Variants in IQCM observed in about 807,000 individuals in gnomAD.
IQCM encodes IQ motif containing M.
In IQCM, 45 loss-of-function variants were observed where a neutral mutation model predicts 57.6. The observed-to-expected ratio is 0.78, with a 90% CI of 0.62 to 1.00. IQCM has a LOEUF of 1.00. Among genes scored for constraint, IQCM ranks in the 50% least tolerant of loss-of-function variants. The probability of loss-of-function intolerance (pLI) is 0.00; values close to 1 mark genes in which losing one functional copy is unlikely to be tolerated. For missense variants in IQCM, 468 were observed against 511.6 expected, an observed-to-expected ratio of 0.91 and a Z score of 0.82; for synonymous variants, 148 against 158.9, an observed-to-expected ratio of 0.93 and a Z score of 0.51.
At chr4:149,486,017 GTC>G (rs71596213) in intron 12 of IQCM, among the ~76,000 whole-genome samples, 18,224 of 121,196 alleles carry the variant, frequency 0.15, 1,247 homozygotes, top group Non-Finnish European at 0.17. Flanking sequence ...AGCAAACAGA[GTC>G]TCTCTCTCTC....
chr4:149,453,108 C>T (rs908820109), intron 12 of IQCM, among the ~76,000 whole-genome samples: 1 of 150,866 alleles, frequency 6.6e-6, no homozygotes, highest in Non-Finnish European at 1.5e-5. Context: ...TAGAAATAAT[C>T]TTAAGAAACA....
At chr4:149,527,066 T>C (rs948171315) in intron 12 of IQCM, among the ~76,000 whole-genome samples, 36 of 152,134 alleles carry the variant, frequency 2.4e-4, no homozygotes, top group African/African-American at 7.0e-4. Flanking sequence ...AATTATTATC[T>C]CAGCGAGAAC....
chr4:149,596,721 A>C (rs1284321134), intron 8 of IQCM, among the ~76,000 whole-genome samples: 4 of 152,136 alleles, frequency 2.6e-5, no homozygotes, highest in Admixed American at 2.6e-4. Flanking sequence ...ATTTACCTAG[A>C]TTTAGAGGTT....
chr4:149,437,941 G>A (rs1028564919), intron 12 of IQCM, among the ~76,000 whole-genome samples: 11 of 151,824 alleles, frequency 7.2e-5, no homozygotes, highest in South Asian at 2.1e-4. Flanking sequence ...TCTTTCTAAC[G>A]TACCCGCCCC....
At position 149,790,569 on chromosome 4, in the gene IQCM, T is replaced by C. The variant is rs1379136581; in HGVS notation, c.-49+24742A>G. Among the ~76,000 whole-genome samples the C allele has an allele frequency of 4.6e-5, 7 of 152,200 alleles. 1 individual carries two copies. Among genetic ancestry groups the C allele is most frequent in the Admixed American group, 4.6e-4 (7 of 15,278 alleles). On this transcript the variant is annotated intron_variant, in intron 2 of 13. Transcript: ENST00000636793. Reference sequence around the variant, plus strand: ...ATCATTACAATTTGGCTTCTTACATTAATGTTTTAAAACGATTAAAGCTGG... The same window carrying C: ...ATCATTACAATTTGGCTTCTTACATCAATGTTTTAAAACGATTAAAGCTGG...
At chr4:149,619,131 T>TATATATATATATATATATATATATACAC (rs1491165190) in intron 8 of IQCM, among the ~76,000 whole-genome samples, 7 of 142,052 alleles carry the variant, frequency 4.9e-5, no homozygotes, top group African/African-American at 2.0e-4. Flanking sequence ...TATATATATA[T>TATATATATATATATATATATATATACAC]ACACCATGGA....
intron 2 of IQCM, among the ~76,000 whole-genome samples, chr4:149,752,552 A>AAT (rs1301275621): frequency 1.1e-5 from 1 of 94,626 alleles, no homozygotes; most frequent in Non-Finnish European, 1.8e-5. Flanking sequence ...CTCTGTCTTA[A>AAT]AAAAAAAAAA....
intron 12 of IQCM, among the ~76,000 whole-genome samples, chr4:149,540,721 A>C (rs934144603): frequency 3.3e-5 from 5 of 152,146 alleles, no homozygotes; most frequent in Non-Finnish European, 7.4e-5. Flanking sequence ...TGCCAAACAC[A>C]TTTAACCAAA....
At chr4:149,776,668 A>C (rs1435180375) in intron 2 of IQCM, among the ~76,000 whole-genome samples, 1 of 152,208 alleles carries the variant, frequency 6.6e-6, no homozygotes, top group East Asian at 1.9e-4. Context: ...ATTTTATATG[A>C]TGTAAAGATT....
At chr4:149,592,409 T>C (rs376603016) in intron 8 of IQCM, among the ~76,000 whole-genome samples, 35,383 of 151,676 alleles carry the variant, frequency 0.23, 4,623 homozygotes, top group Non-Finnish European at 0.29. Context: ...CTGTAGGTTG[T>C]CTGTTCACTC....
chr4:149,800,033 A>C (rs1580331133), intron 2 of IQCM, among the ~76,000 whole-genome samples: 2 of 151,890 alleles, frequency 1.3e-5, no homozygotes, highest in East Asian at 3.9e-4. Flanking sequence ...AAACCAGACA[A>C]AGATACCAAA....
intron 12 of IQCM, among the ~76,000 whole-genome samples, chr4:149,504,564 G>A (rs1743591689): frequency 6.6e-6 from 1 of 151,982 alleles, no homozygotes; most frequent in South Asian, 2.1e-4. Context: ...GGGGCCTTTG[G>A]TAAGTGACTA....
intron 3 of IQCM, among the ~76,000 whole-genome samples, chr4:149,742,066 AT>A (rs149084496): frequency 0.03 from 4,595 of 152,208 alleles, 400 homozygotes; most frequent in East Asian, 0.23. Context: ...GTGTAACATA[AT>A]TTTTATAGAA....
At chr4:149,390,623 T>C (rs933807503) in intron 13 of IQCM, among the ~76,000 whole-genome samples, 1 of 151,958 alleles carries the variant, frequency 6.6e-6, no homozygotes, top group East Asian at 1.9e-4. Context: ...TGTTGAGGGC[T>C]TTTGTCATGA....
At chr4:149,602,113 C>A (rs924785540) in intron 8 of IQCM, among the ~76,000 whole-genome samples, 2 of 144,744 alleles carry the variant, frequency 1.4e-5, no homozygotes, top group Non-Finnish European at 3.0e-5. Context: ...TAAAAATATA[C>A]AAGGAAAAAA....
chr4:149,706,856 A>G (rs1580073561), intron 5 of IQCM, among the ~76,000 whole-genome samples: 3 of 152,098 alleles, frequency 2.0e-5, no homozygotes, highest in South Asian at 4.1e-4. Context: ...ATGAAGGTGG[A>G]ATGGTTAAAT....
At chr4:149,770,753 G>T (rs1770494622) in intron 2 of IQCM, among the ~76,000 whole-genome samples, 1 of 151,984 alleles carries the variant, frequency 6.6e-6, no homozygotes, top group East Asian at 1.9e-4. Flanking sequence ...GTAACTTTCA[G>T]CAAGCCATGA....
chr4:149,654,544 T>C (rs1445810136), intron 7 of IQCM, among the ~76,000 whole-genome samples: 1 of 152,176 alleles, frequency 6.6e-6, no homozygotes, highest in African/African-American at 2.4e-5. Context: ...GAAGCAGATG[T>C]CTGCACTAGG....
intron 5 of IQCM, among the ~76,000 whole-genome samples, chr4:149,705,210 A>T (rs1764066418): frequency 6.8e-6 from 1 of 147,026 alleles, no homozygotes; most frequent in African/African-American, 2.5e-5. Context: ...ATAAATATAT[A>T]AAAAGAAACA....
Sources: gnomAD v4.1 joint callset for allele counts (sites outside exome capture counted in the v4.1 genomes callset) on GRCh38, gnomAD v4.1.1 for gene constraint, MANE v1.5 for transcripts, NCBI Gene and HGNC (gene_info 2026-07-23, HGNC 2026-07-21) for gene names.